The following SLIT3 variants were observed in gnomAD, a reference collection of about 807,000 sequenced individuals.
The protein encoded by SLIT3 is slit homolog 3 protein.
SLIT3 carries 68 observed loss-of-function variants against 184.0 expected under a neutral mutation model. That is an observed-to-expected ratio of 0.37 (90% confidence interval 0.30 to 0.45). SLIT3 has a LOEUF of 0.45. SLIT3 is among the 20% of genes least tolerant of loss of function. The probability of loss-of-function intolerance (pLI) is 1.00; values close to 1 mark genes in which losing one functional copy is unlikely to be tolerated. For missense variants in SLIT3, 1,707 were observed against 2,026.0 expected, an observed-to-expected ratio of 0.84 and a Z score of 3.02; for synonymous variants, 831 against 828.6, an observed-to-expected ratio of 1.00 and a Z score of -0.05.
chr5:169,245,185 C>T (rs2113580965), intron 2 of SLIT3, among the ~76,000 whole-genome samples: 1 of 152,196 alleles, frequency 6.6e-6, no homozygotes, highest in Non-Finnish European at 1.5e-5. Flanking sequence ...CCCAGCTCAC[C>T]CTAGTAGAAA....
chr5:169,139,778 C>T lies in SLIT3; in HGVS notation c.413+53701G>A, dbSNP rs1761655342. On this transcript the variant is annotated intron_variant, in intron 4 of 35. Transcript: ENST00000519560. Reference sequence around the variant, plus strand: ...TCTGGGAAGAATGGGGACTCCTTTTCCACTCTTGCCAGCAGCTAGTAACCC... The same window carrying T: ...TCTGGGAAGAATGGGGACTCCTTTTTCACTCTTGCCAGCAGCTAGTAACCC... 2.0e-5 allele frequency among the ~76,000 whole-genome samples: 3 copies of T among 152,182 alleles called. No individual in the cohort carries two copies. In the South Asian group the frequency reaches 6.2e-4, roughly 32 times the overall value.
chr5:168,748,191 T>C, intron 20 of SLIT3, 111 bp downstream of exon 20: 2 of 1,249,364 alleles, frequency 1.6e-6, no homozygotes, highest in Non-Finnish European at 2.1e-6. Context: ...AAGTAGGGTC[T>C]CCCCCCGGCA....
intron 4 of SLIT3, among the ~76,000 whole-genome samples, chr5:168,989,967 C>A (rs1755266231): frequency 6.6e-6 from 1 of 152,290 alleles, no homozygotes; most frequent in East Asian, 1.9e-4. Context: ...GCTGAGTAAA[C>A]AAGAAAGTCC....
intron 4 of SLIT3, among the ~76,000 whole-genome samples, chr5:168,981,382 G>A (rs117459736): frequency 0.012 from 1,772 of 152,200 alleles, 46 homozygotes; most frequent in East Asian, 0.11. Context: ...ACAGATTCCC[G>A]GGATTGCAAT....
chr5:169,130,585 T>A (rs1167509982), intron 4 of SLIT3, among the ~76,000 whole-genome samples: 1 of 152,212 alleles, frequency 6.6e-6, no homozygotes, highest in Non-Finnish European at 1.5e-5. Context: ...TACTGCTGTA[T>A]CCTCCCTGCC....
At chr5:169,232,029 TAGG>T (rs959046709) in intron 3 of SLIT3, among the ~76,000 whole-genome samples, 8 of 152,376 alleles carry the variant, frequency 5.3e-5, no homozygotes, top group Admixed American at 3.3e-4. Context: ...TATTGATTTG[TAGG>T]AGTTCTTCTC....
rs533631055 is a variant in SLIT3 at position 169,168,177 on chromosome 5, C to T, written c.413+25302G>A. On this transcript the variant is annotated intron_variant, in intron 4 of 35. Coordinates refer to ENST00000519560, the MANE Select transcript of SLIT3 (RefSeq NM_003062.4). ...CCTCCTGGGCCCTTCACTCTAAGCA[C>T]GGGTCAGCCCCTTCCTACAGTCTAG... Among the ~76,000 whole-genome samples the T allele has an allele frequency of 1.3e-4, 20 of 152,300 alleles. No homozygotes were observed. The South Asian group carries it at 2.3e-3, about 17-fold the overall frequency.
At chr5:168,865,706 T>C (rs1229570853) in intron 5 of SLIT3, among the ~76,000 whole-genome samples, 1 of 152,224 alleles carries the variant, frequency 6.6e-6, no homozygotes, top group Non-Finnish European at 1.5e-5. Flanking sequence ...TAAATCTCAA[T>C]AAAGTTGACT....
At chr5:168,955,626 G>T (rs1239992494) in intron 4 of SLIT3, among the ~76,000 whole-genome samples, 2 of 152,198 alleles carry the variant, frequency 1.3e-5, no homozygotes, top group Non-Finnish European at 2.9e-5. Context: ...CCTGCAAGGG[G>T]GCAGGCTTGG....
chr5:168,793,053 T>C lies in SLIT3; in HGVS notation c.1007+2454A>G, dbSNP rs572018607. On this transcript the variant is annotated intron_variant, in intron 10 of 35. Transcript: ENST00000519560. ...CATTCTCAAGATATCTCATTATGTA[T>C]GTGAAAATATTCCAAACTTTGAAAA... Among the ~76,000 whole-genome samples the C allele has an allele frequency of 3.3e-5, 5 of 152,352 alleles. No homozygotes were observed. In the East Asian group the frequency reaches 9.6e-4, roughly 29 times the overall value.
At chr5:169,031,034 T>C (rs961853481) in intron 4 of SLIT3, among the ~76,000 whole-genome samples, 6 of 152,214 alleles carry the variant, frequency 3.9e-5, no homozygotes, top group Non-Finnish European at 5.9e-5. Context: ...GAATAGCAAC[T>C]TAGAAGCCCC....
At chr5:168,922,259 C>A (rs1465898399) in intron 4 of SLIT3, among the ~76,000 whole-genome samples, 1 of 151,900 alleles carries the variant, frequency 6.6e-6, no homozygotes, top group Admixed American at 6.6e-5. Context: ...AGATCGAGAC[C>A]ATCCTGGCGA....
chr5:169,121,827 A>G (rs1461531056), intron 4 of SLIT3, among the ~76,000 whole-genome samples: 2 of 152,184 alleles, frequency 1.3e-5, no homozygotes, highest in African/African-American at 4.8e-5. Flanking sequence ...CCCAGAGATG[A>G]CAGTATCCAG....
intron 4 of SLIT3, among the ~76,000 whole-genome samples, chr5:169,113,212 C>A (rs1018434098): frequency 1.3e-5 from 2 of 152,160 alleles, no homozygotes; most frequent in Non-Finnish European, 2.9e-5. Flanking sequence ...CATTCAATAG[C>A]AGCTCCTCAT....
At chr5:168,962,349 C>G (rs944977428) in intron 4 of SLIT3, among the ~76,000 whole-genome samples, 4 of 151,920 alleles carry the variant, frequency 2.6e-5, no homozygotes, top group African/African-American at 9.7e-5. Context: ...CACACACACA[C>G]AGTGGTACCC....
chr5:168,982,043 CTTTCCATG>C (rs1226077692), intron 4 of SLIT3, among the ~76,000 whole-genome samples: 8 of 152,246 alleles, frequency 5.3e-5, no homozygotes, highest in Non-Finnish European at 1.2e-4. Context: ...AACCACCACA[CTTTCCATG>C]ACCCACATGC....
At chr5:169,069,321 C>T (rs555627056) in intron 4 of SLIT3, among the ~76,000 whole-genome samples, 1 of 152,336 alleles carries the variant, frequency 6.6e-6, no homozygotes, top group East Asian at 1.9e-4. Flanking sequence ...GAGTGACATG[C>T]ACACGACAGG....
intron 4 of SLIT3, among the ~76,000 whole-genome samples, chr5:169,143,534 C>T (rs374752479): frequency 2.0e-5 from 3 of 152,254 alleles, no homozygotes; most frequent in African/African-American, 7.2e-5. Context: ...TGCAGTGGCT[C>T]ATACCTGTAA....
At chr5:169,245,828 C>T (rs1339723195) in intron 2 of SLIT3, among the ~76,000 whole-genome samples, 2 of 152,300 alleles carry the variant, frequency 1.3e-5, no homozygotes, top group African/African-American at 4.8e-5. Flanking sequence ...CACTTCTCAG[C>T]CTTAACACTT....
Sources: gnomAD v4.1 joint callset for allele counts (sites outside exome capture counted in the v4.1 genomes callset) on GRCh38, gnomAD v4.1.1 for gene constraint, MANE v1.5 for transcripts, NCBI Gene and HGNC (gene_info 2026-07-23, HGNC 2026-07-21) for gene names.